Variants in LRMDA observed in about 807,000 individuals in gnomAD.
LRMDA encodes leucine-rich melanocyte differentiation-associated protein.
Under a neutral mutation model 29.8 loss-of-function variants are expected in LRMDA, and 18 were observed. The ratio of observed to expected loss-of-function variants is 0.60; its 90% CI spans 0.42 to 0.90. The LOEUF is 0.90. Ranked by LOEUF, LRMDA falls within the 40% of genes least tolerant of loss-of-function variation. LRMDA has a pLI of 0.00. For missense variants in LRMDA, 273 were observed against 273.9 expected, an observed-to-expected ratio of 1.00 and a Z score of 0.02; for synonymous variants, 125 against 109.4, an observed-to-expected ratio of 1.14 and a Z score of -0.89.
chr10:76,377,553 G>A (rs758230149), intron 6 of LRMDA, among the ~76,000 whole-genome samples: 1 of 152,050 alleles, frequency 6.6e-6, no homozygotes, highest in Non-Finnish European at 1.5e-5. Context: ...GTTAATTTTT[G>A]TATCTGGTGA....
At chr10:76,160,691 A>C (rs554517351) in intron 5 of LRMDA, among the ~76,000 whole-genome samples, 1 of 152,138 alleles carries the variant, frequency 6.6e-6, no homozygotes, top group African/African-American at 2.4e-5. Flanking sequence ...TTTAGAACCA[A>C]TGCTCCTTAT....
chr10:75,585,348 A>G (rs1840643776), intron 2 of LRMDA, among the ~76,000 whole-genome samples: 1 of 152,242 alleles, frequency 6.6e-6, no homozygotes, highest in African/African-American at 2.4e-5. Flanking sequence ...TCTCATTGCT[A>G]TACAGTGTCC....
chr10:76,223,122 G>C (rs551252703), intron 5 of LRMDA, among the ~76,000 whole-genome samples: 1 of 151,664 alleles, frequency 6.6e-6, no homozygotes, highest in East Asian at 1.9e-4. Context: ...GTTGTGGGGT[G>C]GGGGGAGTGG....
intron 5 of LRMDA, among the ~76,000 whole-genome samples, chr10:76,079,807 T>C (rs1236227574): frequency 6.6e-6 from 1 of 152,228 alleles, no homozygotes; most frequent in East Asian, 1.9e-4. Flanking sequence ...AGTCATTTCA[T>C]GTCAGCTTTT....
At chr10:76,278,808 T>C (rs181493846) in intron 5 of LRMDA, among the ~76,000 whole-genome samples, 142 of 152,222 alleles carry the variant, frequency 9.3e-4, no homozygotes, top group Non-Finnish European at 1.8e-3. Flanking sequence ...TTGAACTTTA[T>C]TGAAAGATTC....
In LRMDA at chr10:76,432,357, G is replaced by A. The variant is rs544186167; in HGVS notation, c.601+107872G>A. Among the ~76,000 whole-genome samples, 10 of 152,158 alleles carry A rather than the reference G, an allele frequency of 6.6e-5. No individual in the cohort carries two copies. In the South Asian group the frequency reaches 1.0e-3, roughly 16 times the overall value. Reference sequence around the variant, plus strand: ...GCTAGAGGAAAGATCATTCTAACACGGTGCAAATCCCCAAACCTTCCCTAC... The same window carrying A: ...GCTAGAGGAAAGATCATTCTAACACAGTGCAAATCCCCAAACCTTCCCTAC... On this transcript the variant is annotated intron_variant, in intron 6 of 6. Transcript: ENST00000611255.
chr10:75,656,408 A>G (rs56282010), intron 2 of LRMDA, among the ~76,000 whole-genome samples: 7,295 of 152,258 alleles, frequency 0.048, 452 homozygotes, highest in African/African-American at 0.15. Context: ...CATTCTATGA[A>G]TTACCTATTG....
chr10:76,372,367 C>T (rs1056509669), intron 6 of LRMDA, among the ~76,000 whole-genome samples: 1 of 152,136 alleles, frequency 6.6e-6, no homozygotes, highest in African/African-American at 2.4e-5. Flanking sequence ...AATCCCAGCA[C>T]TTTGGGAGGC....
chr10:75,964,972 G>A (rs181588360), intron 2 of LRMDA, among the ~76,000 whole-genome samples: 2 of 152,234 alleles, frequency 1.3e-5, no homozygotes, highest in Non-Finnish European at 2.9e-5. Context: ...CGCCATGTTG[G>A]CGAGGCTGGT....
intron 4 of LRMDA, 72 bp from the exon 5 acceptor site, chr10:76,058,594 T>C: frequency 1.6e-6 from 2 of 1,248,702 alleles, no homozygotes; most frequent in South Asian, 2.4e-5. Flanking sequence ...TTCTTGAAGA[T>C]CAGACAAGCT....
intron 2 of LRMDA, among the ~76,000 whole-genome samples, chr10:75,583,178 C>T (rs992758126): frequency 1.3e-5 from 2 of 152,240 alleles, no homozygotes; most frequent in African/African-American, 4.8e-5. Context: ...TCCACAGTTG[C>T]TCCCACATTT....
At chr10:75,847,438 A>T (rs1312281471) in intron 2 of LRMDA, among the ~76,000 whole-genome samples, 1 of 152,144 alleles carries the variant, frequency 6.6e-6, no homozygotes, top group Non-Finnish European at 1.5e-5. Context: ...GCTTCAATGC[A>T]GTGGATTAAG....
chr10:76,268,491 A>G (rs1414415167), intron 5 of LRMDA, among the ~76,000 whole-genome samples: 2 of 152,066 alleles, frequency 1.3e-5, no homozygotes, highest in African/African-American at 4.8e-5. Flanking sequence ...CACCCCTCTT[A>G]TATTAGATCA....
At chr10:75,638,895 A>T (rs1841418950) in intron 2 of LRMDA, among the ~76,000 whole-genome samples, 1 of 152,228 alleles carries the variant, frequency 6.6e-6, no homozygotes, top group Non-Finnish European at 1.5e-5. Context: ...GATTTCTTAT[A>T]CATTTTAATG....
rs554090718 is a variant in LRMDA at position 75,564,110 on chromosome 10, T to A, written c.131+125616T>A. Among the ~76,000 whole-genome samples, 10 of 152,312 alleles carry A rather than the reference T, an allele frequency of 6.6e-5. 1 individual carries two copies. The highest frequency in any genetic ancestry group is 2.4e-4 in the African/African-American group (10 of 41,582). On this transcript the variant is annotated intron_variant, in intron 2 of 6. Transcript: ENST00000611255. ...TCTGCAGAGGTTACTGCTGTCTTTT[T>A]GTTTGTCTGTGCCCTGCCCCTAGAG...
intron 6 of LRMDA, among the ~76,000 whole-genome samples, chr10:76,355,898 T>C (rs1250639993): frequency 2.6e-5 from 4 of 152,202 alleles, no homozygotes; most frequent in African/African-American, 7.2e-5. Context: ...AAGTTCTCTA[T>C]AGATCAAGCT....
intron 5 of LRMDA, among the ~76,000 whole-genome samples, chr10:76,221,727 C>A (rs886160725): frequency 7.2e-5 from 11 of 152,166 alleles, no homozygotes; most frequent in African/African-American, 2.7e-4. Flanking sequence ...CCATCCCCAT[C>A]AAGCTACCAA....
At chr10:76,278,888 T>C (rs898183157) in intron 5 of LRMDA, among the ~76,000 whole-genome samples, 3 of 152,218 alleles carry the variant, frequency 2.0e-5, no homozygotes, top group Non-Finnish European at 2.9e-5. Context: ...AAAACTATTG[T>C]TGCTGGGTAG....
At chr10:75,755,808 T>A (rs1300641535) in intron 2 of LRMDA, among the ~76,000 whole-genome samples, 1 of 152,144 alleles carries the variant, frequency 6.6e-6, no homozygotes, top group East Asian at 1.9e-4. Flanking sequence ...TGGTGTGCAA[T>A]GGGGTCAGCG....
Sources: allele counts gnomAD v4.1 joint callset (sites outside exome capture counted in the v4.1 genomes callset), GRCh38; gene constraint gnomAD v4.1.1; transcripts MANE v1.5; gene names NCBI Gene and HGNC (gene_info 2026-07-23, HGNC 2026-07-21).